Variants in PIGX observed in about 807,000 individuals in gnomAD.
The protein encoded by PIGX is phosphatidylinositol glycan anchor biosynthesis class X.
Under a neutral mutation model 28.7 loss-of-function variants are expected in PIGX, and 24 were observed. The observed-to-expected ratio is 0.84, with a 90% CI of 0.60 to 1.17. PIGX has a LOEUF of 1.17. Ranked by LOEUF, PIGX falls within the 50% of genes most tolerant of loss-of-function variation. The pLI is 0.00. For missense variants in PIGX, 305 were observed against 317.8 expected (o/e 0.96, Z 0.31); for synonymous variants, 127 against 121.0 (o/e 1.05, Z -0.33).
chr3:196,713,738 A>G (rs1215186585), intron 1 of PIGX, among the ~76,000 whole-genome samples: 6 of 151,658 alleles, frequency 4.0e-5, no homozygotes, highest in East Asian at 1.9e-4. Context: ...TCAGGGGGCT[A>G]AGGCAGGAGA....
chr3:196,733,613 A>G lies in PIGX; in HGVS notation c.634-146A>G. ...TTTTAGTAGAGATGGTTTAGTAGAG[A>G]TGTTGGCCAGGCTGGTTTTGAACTC... On this transcript the variant is annotated intron_variant, in intron 5 of 5. Coordinates refer to ENST00000392391, the MANE Select transcript of PIGX (RefSeq NM_017861.4). This position sits in a 1 kb window ranked among gnomAD's most constrained non-coding sequence, Gnocchi z 4.3. 1.6e-6 allele frequency: 1 copy of G among 610,036 alleles called. No individual in the cohort carries two copies. The highest frequency in any genetic ancestry group is 2.9e-6 in the Non-Finnish European group (1 of 340,204). The allele number at this position is 610,036 out of a possible 1,614,324, so 37.8% of individuals were successfully genotyped here. A position where few individuals can be genotyped will look rare whatever the true frequency, so the allele number is the denominator to read the frequency against.
At chr3:196,725,907 C>G (rs1277857099) in intron 3 of PIGX, among the ~76,000 whole-genome samples, 2 of 152,248 alleles carry the variant, frequency 1.3e-5, no homozygotes, top group Non-Finnish European at 2.9e-5. Flanking sequence ...AAATATCAAA[C>G]TTTTTCTAAG....
At chr3:196,723,616 CTT>C (rs537275236) in intron 3 of PIGX, among the ~76,000 whole-genome samples, 16 of 135,032 alleles carry the variant, frequency 1.2e-4, no homozygotes, top group Admixed American at 1.5e-4. Context: ...CAGATGATTT[CTT>C]TTTTTTTTTT....
intron 2 of PIGX, among the ~76,000 whole-genome samples, chr3:196,722,046 C>G (rs1276930736): frequency 6.6e-6 from 1 of 152,248 alleles, no homozygotes; most frequent in African/African-American, 2.4e-5. Flanking sequence ...GGCACCATGC[C>G]TGCCCTCTGG....
chr3:196,721,262 C>A, intron 2 of PIGX: 1 of 324,346 alleles, frequency 3.1e-6, no homozygotes, highest in Non-Finnish European at 5.9e-6. Context: ...GTCTTTTTTC[C>A]TCTCTGTGCT....
chr3:196,719,432 A>G (rs1342976380), intron 2 of PIGX, among the ~76,000 whole-genome samples: 1 of 152,152 alleles, frequency 6.6e-6, no homozygotes, highest in Non-Finnish European at 1.5e-5. Flanking sequence ...TGCACCCATT[A>G]ACTCGTCATT....
intron 2 of PIGX, among the ~76,000 whole-genome samples, chr3:196,720,901 C>T (rs773709716): frequency 1.8e-4 from 27 of 152,052 alleles, no homozygotes; most frequent in African/African-American, 4.1e-4. Context: ...AATTCTAGAT[C>T]GACAGCCTCT....
intron 5 of PIGX, among the ~76,000 whole-genome samples, chr3:196,731,652 G>A (rs1712760097): frequency 6.6e-6 from 1 of 152,082 alleles, no homozygotes. Context: ...TTGCCATATG[G>A]TACCTGAAAA....
At chr3:196,726,484 A>G (rs1160586223) in intron 3 of PIGX, among the ~76,000 whole-genome samples, 1 of 152,168 alleles carries the variant, frequency 6.6e-6, no homozygotes, top group East Asian at 1.9e-4. Flanking sequence ...AAATAGTAGT[A>G]CATATAAAGC....
In PIGX at chr3:196,712,648, A is replaced by T; in HGVS notation, c.112+4A>T. The T allele has an allele frequency of 8.5e-7, 1 of 1,181,022 alleles. No individual in the cohort carries two copies. Among genetic ancestry groups the T allele is most frequent in the Non-Finnish European group, 1.0e-6 (1 of 955,440 alleles). The allele number at this position is 1,181,022 out of a possible 1,614,324, so 73.2% of individuals were successfully genotyped here. A position where few individuals can be genotyped will look rare whatever the true frequency, so the allele number is the denominator to read the frequency against. On this transcript the variant is annotated splice_donor_region_variant and intron_variant, in intron 1 of 5. Transcript: ENST00000392391. ...ACCGCCGCGCGCTCTGACGCCGGTA[A>T]GGGGGGCGGGGCTTGGGGGGCCAGA... is the stretch of plus-strand genomic sequence containing the variant.
chr3:196,734,763 T>G lies in PIGX; in HGVS notation c.*861T>G, dbSNP rs1712942923. Reference sequence around the variant, plus strand: ...TATTCCTTAACGCACTCCATTCTCCTTTTACATTTTATCATGTTTCTTTTG... The same window carrying G: ...TATTCCTTAACGCACTCCATTCTCCGTTTACATTTTATCATGTTTCTTTTG... On this transcript the variant is annotated 3_prime_UTR_variant, in exon 6 of 6. Coordinates refer to ENST00000392391, the MANE Select transcript of PIGX (RefSeq NM_017861.4). The G allele has an allele frequency of 6.6e-6, 1 of 152,186 alleles. No individual in the cohort carries two copies. The highest frequency in any genetic ancestry group is 2.4e-5 in the African/African-American group (1 of 41,442). The allele number at this position is 152,186 out of a possible 1,614,324, so 9.4% of individuals were successfully genotyped here.
intron 4 of PIGX, among the ~76,000 whole-genome samples, chr3:196,730,145 G>A (rs73072731): frequency 0.014 from 2,118 of 151,200 alleles, 38 homozygotes; most frequent in African/African-American, 0.048. Flanking sequence ...ATTTGTTACC[G>A]TCATACCTTT....
intron 4 of PIGX, among the ~76,000 whole-genome samples, chr3:196,730,545 C>G (rs940093524): frequency 9.2e-5 from 14 of 151,794 alleles, no homozygotes; most frequent in African/African-American, 3.4e-4. Context: ...GTCAGGAGTT[C>G]AAGACCATCC....
At chr3:196,712,730 C>T (rs931584071) in intron 1 of PIGX, 86 bp downstream of exon 1, 7 of 1,118,786 alleles carry the variant, frequency 6.3e-6, no homozygotes, top group Non-Finnish European at 7.6e-6. Flanking sequence ...ATGTGGGGAC[C>T]CGGCGCGGGA....
chr3:196,718,304 A>G (rs1712181298), intron 2 of PIGX, among the ~76,000 whole-genome samples: 1 of 151,502 alleles, frequency 6.6e-6, no homozygotes, highest in African/African-American at 2.4e-5. Flanking sequence ...GCGAGGCAAA[A>G]CTCCGTCTGA....
At chr3:196,728,752 A>G (rs2108686415) in intron 4 of PIGX, 1 of 766,410 alleles carries the variant, frequency 1.3e-6, no homozygotes. Context: ...TGACAAAACT[A>G]TAGGTCAGTG....
At chr3:196,713,329 T>C (rs915236867) in intron 1 of PIGX, among the ~76,000 whole-genome samples, 2 of 150,304 alleles carry the variant, frequency 1.3e-5, no homozygotes, top group African/African-American at 4.9e-5. Flanking sequence ...TGAGATGGAG[T>C]CTCACTCTGT....
At chr3:196,713,792 G>A (rs1182495529) in intron 1 of PIGX, among the ~76,000 whole-genome samples, 1 of 148,634 alleles carries the variant, frequency 6.7e-6, no homozygotes, top group Non-Finnish European at 1.5e-5. Context: ...AGCCGAGATC[G>A]CGCCATTGCA....
rs1294893073 is a variant in PIGX, at chr3:196,716,859, C to T, written c.114C>T (p.Gly38=). 1 of 1,586,816 alleles carries T rather than the reference C, an allele frequency of 6.3e-7. No homozygotes were observed. Among genetic ancestry groups the T allele is most frequent in the East Asian group, 2.3e-5 (1 of 44,418 alleles). ...AAAAAAATCGTTTGGTTCTTATAGGCATAAGGGCCATGTGTTCTGAAATTA... is the reference window on the plus strand; with the variant it reads ...AAAAAAATCGTTTGGTTCTTATAGGTATAAGGGCCATGTGTTCTGAAATTA... The change falls in exon 2 of 6, where the codon GGC becomes GGT. Residue 38 remains glycine, a splice_region_variant and synonymous_variant. Coordinates refer to ENST00000392391, the MANE Select transcript of PIGX (RefSeq NM_017861.4).
Sources: allele counts gnomAD v4.1 joint callset (sites outside exome capture counted in the v4.1 genomes callset), GRCh38; gene constraint gnomAD v4.1.1; non-coding constraint Gnocchi (gnomAD v3.1); transcripts MANE v1.5; gene names NCBI Gene and HGNC (gene_info 2026-07-23, HGNC 2026-07-21).